The following RTN4RL1 variants were observed in gnomAD, a reference collection of about 807,000 sequenced individuals.
RTN4RL1 encodes reticulon-4 receptor-like 1.
Under a neutral mutation model 25.6 loss-of-function variants are expected in RTN4RL1, and 7 were observed. The observed-to-expected ratio is 0.27, with a 90% CI of 0.16 to 0.51. The LOEUF is 0.51. Among genes scored for constraint, RTN4RL1 ranks in the 20% least tolerant of loss-of-function variants. RTN4RL1 has a pLI of 0.97. For missense variants in RTN4RL1, 500 were observed against 615.6 expected, an observed-to-expected ratio of 0.81 and a Z score of 1.99; for synonymous variants, 297 against 288.2, an observed-to-expected ratio of 1.03 and a Z score of -0.31.
chr17:2,022,522 G>A lies in RTN4RL1; in HGVS notation c.13+2331C>T, dbSNP rs543382332. On this transcript the variant is annotated intron_variant, in intron 1 of 1. Coordinates refer to ENST00000331238, the MANE Select transcript of RTN4RL1 (RefSeq NM_178568.4). The stretch of plus-strand genomic sequence containing the variant: ...CAGACACTTCAATGGCCACCTCCCT[G>A]GGCATTAGCCTCAGGCATGCTTTTG... Among the ~76,000 whole-genome samples, 3 of 152,308 alleles carry A rather than the reference G, an allele frequency of 2.0e-5. No homozygotes were observed. In the South Asian group the frequency reaches 6.2e-4, roughly 32 times the overall value.
At chr17:1,958,685 T>TGCAGCAGCTGAGGCAGGCAGCTG (rs1915838862) in intron 1 of RTN4RL1, among the ~76,000 whole-genome samples, 1 of 152,206 alleles carries the variant, frequency 6.6e-6, no homozygotes, top group South Asian at 2.1e-4. Flanking sequence ...GGCAGGATCG[T>TGCAGCAGCTGAGGCAGGCAGCTG]GCAGCAGCTG....
intron 1 of RTN4RL1, among the ~76,000 whole-genome samples, chr17:1,996,203 A>C (rs568821910): frequency 1.8e-4 from 28 of 152,306 alleles, no homozygotes; most frequent in Middle Eastern, 3.4e-3. Flanking sequence ...GGAAAGCTTG[A>C]ATCTGTCTCA....
chr17:2,007,717 G>C (rs558902895), intron 1 of RTN4RL1, among the ~76,000 whole-genome samples: 1 of 152,238 alleles, frequency 6.6e-6, no homozygotes, highest in East Asian at 1.9e-4. Flanking sequence ...AGGCCAAGGC[G>C]GTCAGACCAT....
At chr17:1,943,751 G>A (rs536001981) in intron 1 of RTN4RL1, among the ~76,000 whole-genome samples, 1 of 152,152 alleles carries the variant, frequency 6.6e-6, no homozygotes, top group Non-Finnish European at 1.5e-5. Context: ...CTGCAGCCCC[G>A]CCTGGAGCCT....
intron 1 of RTN4RL1, among the ~76,000 whole-genome samples, chr17:1,955,831 G>A (rs935205550): frequency 7.2e-5 from 11 of 151,782 alleles, no homozygotes; most frequent in South Asian, 2.1e-4. Flanking sequence ...TGATCCGCCC[G>A]CCTCAGCCTC....
At chr17:1,940,039 C>T (rs561499642) in intron 1 of RTN4RL1, among the ~76,000 whole-genome samples, 5 of 152,324 alleles carry the variant, frequency 3.3e-5, no homozygotes, top group African/African-American at 4.8e-5. Context: ...GGCCTCGTGC[C>T]GCTGCCTGCC....
At chr17:1,977,109 C>T (rs1241192490) in intron 1 of RTN4RL1, among the ~76,000 whole-genome samples, 7 of 152,228 alleles carry the variant, frequency 4.6e-5, no homozygotes, top group Non-Finnish European at 1.0e-4. Flanking sequence ...TCTGCCTCTC[C>T]ACTTAAAGAT....
At chr17:2,004,580 A>T (rs1369770551) in intron 1 of RTN4RL1, among the ~76,000 whole-genome samples, 3 of 152,048 alleles carry the variant, frequency 2.0e-5, no homozygotes, top group African/African-American at 7.2e-5. Context: ...GGAGGCCTTC[A>T]CCCTTATCTC....
At chr17:2,013,347 C>A (rs1267192769) in intron 1 of RTN4RL1, among the ~76,000 whole-genome samples, 1 of 152,188 alleles carries the variant, frequency 6.6e-6, no homozygotes, top group African/African-American at 2.4e-5. Context: ...GCAGATACTG[C>A]GAGGGCCTGC....
intron 1 of RTN4RL1, among the ~76,000 whole-genome samples, chr17:1,979,827 C>T (rs1018199442): frequency 6.6e-6 from 1 of 152,208 alleles, no homozygotes; most frequent in Non-Finnish European, 1.5e-5. Context: ...CTCCTCCCCC[C>T]TTGACTGCCG....
chr17:1,964,696 C>G (rs2066781152), intron 1 of RTN4RL1, among the ~76,000 whole-genome samples: 1 of 151,596 alleles, frequency 6.6e-6, no homozygotes, highest in Non-Finnish European at 1.5e-5. Context: ...CACACCAGTG[C>G]ACTCCAGCCT....
chr17:2,012,270 T>C (rs1168561518), intron 1 of RTN4RL1, among the ~76,000 whole-genome samples: 1 of 152,232 alleles, frequency 6.6e-6, no homozygotes, highest in Non-Finnish European at 1.5e-5. Context: ...ACACAGCGCC[T>C]GCTCTGCTGG....
chr17:1,954,677 T>C (rs1055314370), intron 1 of RTN4RL1, among the ~76,000 whole-genome samples: 1 of 152,150 alleles, frequency 6.6e-6, no homozygotes, highest in Non-Finnish European at 1.5e-5. Context: ...CAGGAGCCAC[T>C]GCGCCCAGCC....
At chr17:1,947,829 C>A (rs1335029961) in intron 1 of RTN4RL1, among the ~76,000 whole-genome samples, 1 of 152,232 alleles carries the variant, frequency 6.6e-6, no homozygotes, top group African/African-American at 2.4e-5. Flanking sequence ...GAGACCGGCC[C>A]CCGTGGCAGC....
chr17:2,014,161 C>A (rs1023320742), intron 1 of RTN4RL1, among the ~76,000 whole-genome samples: 1 of 152,190 alleles, frequency 6.6e-6, no homozygotes, highest in Non-Finnish European at 1.5e-5. Context: ...CTTGGCCAAC[C>A]CAGCTGGAAG....
intron 1 of RTN4RL1, among the ~76,000 whole-genome samples, chr17:2,022,897 A>G (rs1277371480): frequency 6.6e-6 from 1 of 152,186 alleles, no homozygotes; most frequent in Non-Finnish European, 1.5e-5. Flanking sequence ...CCTCTTGTGC[A>G]GGGTAAGGAG....
In RTN4RL1 at chr17:1,998,031, A is replaced by ACCCCCACCCCCGCCTCCG. The variant is rs1334368898; in HGVS notation, c.13+26804_13+26821dup. ...TCCCCCTCAGGGTGCCGGGCGCCCC[A>ACCCCCACCCCCGCCTCCG]CCCCCACCCCCGCCTCCGCCCCAGG... On this transcript the variant is annotated intron_variant, in intron 1 of 1. Coordinates refer to ENST00000331238, the MANE Select transcript of RTN4RL1 (RefSeq NM_178568.4). This position sits in a 1 kb window ranked among gnomAD's most constrained non-coding sequence, Gnocchi z 4.9. 6.7e-6 allele frequency among the ~76,000 whole-genome samples: 1 copy of ACCCCCACCCCCGCCTCCG among 149,128 alleles called. No individual in the cohort carries two copies. Among genetic ancestry groups the ACCCCCACCCCCGCCTCCG allele is most frequent in the African/African-American group, 2.5e-5 (1 of 40,234 alleles).
chr17:1,950,584 C>T (rs80110921), intron 1 of RTN4RL1, among the ~76,000 whole-genome samples: 164 of 152,182 alleles, frequency 1.1e-3, no homozygotes, highest in African/African-American at 3.7e-3. Context: ...CAGCAGCTCA[C>T]GCCTGGAATC....
intron 1 of RTN4RL1, among the ~76,000 whole-genome samples, chr17:2,008,441 G>A (rs1016877834): frequency 2.6e-5 from 4 of 152,138 alleles, no homozygotes; most frequent in Admixed American, 6.6e-5. Context: ...GGAAGGAAGC[G>A]TAGCCGGATT....
Sources: gnomAD v4.1 joint callset for allele counts (sites outside exome capture counted in the v4.1 genomes callset) on GRCh38, gnomAD v4.1.1 for gene constraint, Gnocchi (gnomAD v3.1) non-coding constraint, MANE v1.5 for transcripts, NCBI Gene and HGNC (gene_info 2026-07-23, HGNC 2026-07-21) for gene names.